PRKG1: variants seen among roughly 807,000 people sequenced by gnomAD.
The protein encoded by PRKG1 is cGMP-dependent protein kinase 1.
PRKG1 carries 35 observed loss-of-function variants against 88.1 expected under a neutral mutation model. The observed-to-expected ratio is 0.40, with a 90% CI of 0.30 to 0.53. The LOEUF (loss-of-function observed/expected upper bound fraction) is 0.53, where lower values mean the gene tolerates loss of function less well. Among genes scored for constraint, PRKG1 ranks in the 20% least tolerant of loss-of-function variants. The pLI is 0.59. For synonymous variants in PRKG1, 303 were observed against 292.5 expected (o/e 1.04, Z -0.37); for missense variants, 540 against 839.8 (o/e 0.64, Z 4.41).
At chr10:51,285,148 T>C (rs1465795239) in intron 2 of PRKG1, among the ~76,000 whole-genome samples, 2 of 148,814 alleles carry the variant, frequency 1.3e-5, no homozygotes, top group African/African-American at 4.9e-5. Flanking sequence ...ATGCGGTGTT[T>C]GGTTTTTTGT....
At chr10:51,473,448 T>C (rs1182167761) in intron 3 of PRKG1, among the ~76,000 whole-genome samples, 1 of 151,892 alleles carries the variant, frequency 6.6e-6, no homozygotes, top group African/African-American at 2.4e-5. Flanking sequence ...GTATTTATAA[T>C]TTATATATAA....
intron 3 of PRKG1, among the ~76,000 whole-genome samples, chr10:51,791,851 A>C (rs758925161): frequency 3.5e-4 from 53 of 152,080 alleles, no homozygotes; most frequent in Non-Finnish European, 4.6e-4. Context: ...AAATAACTGG[A>C]GTAAAGACCT....
At chr10:51,645,085 G>C (rs868785895) in intron 3 of PRKG1, among the ~76,000 whole-genome samples, 2 of 152,198 alleles carry the variant, frequency 1.3e-5, no homozygotes, top group African/African-American at 4.8e-5. Flanking sequence ...GTCTCCAAAA[G>C]TGCTGGGATT....
At chr10:51,482,533 G>T (rs1186292349) in intron 3 of PRKG1, among the ~76,000 whole-genome samples, 1 of 152,082 alleles carries the variant, frequency 6.6e-6, no homozygotes, top group Non-Finnish European at 1.5e-5. Context: ...TTCCCTTGAA[G>T]GGTAACAATG....
At chr10:52,261,348 C>T (rs1841427741) in intron 10 of PRKG1, among the ~76,000 whole-genome samples, 1 of 151,784 alleles carries the variant, frequency 6.6e-6, no homozygotes, top group Admixed American at 6.6e-5. Context: ...GAAGAGAGAC[C>T]CTCTCTTGAT....
chr10:51,631,287 A>G (rs1321604875), intron 3 of PRKG1, among the ~76,000 whole-genome samples: 1 of 152,200 alleles, frequency 6.6e-6, no homozygotes, highest in Non-Finnish European at 1.5e-5. Context: ...TGGGCTTACC[A>G]AAACTCTGAC....
intron 5 of PRKG1, among the ~76,000 whole-genome samples, chr10:52,053,973 G>A (rs1268793231): frequency 6.6e-6 from 1 of 152,034 alleles, no homozygotes; most frequent in African/African-American, 2.4e-5. Context: ...GGAGAAAAAG[G>A]CTCTAATTAT....
At position 52,295,591 on chromosome 10, in the gene PRKG1, A is replaced by C. The variant is rs1025168557; in HGVS notation, c.*1691A>C. ...AAAATATAGAAGCTTTCAAGCTGTC[A>C]TTCTGTTTTGGCCCTGTGTGAATTT... On this transcript the variant is annotated 3_prime_UTR_variant, in exon 18 of 18. Coordinates refer to ENST00000373980, the MANE Select transcript of PRKG1 (RefSeq NM_006258.4). 2 of 151,932 alleles carry C rather than the reference A, an allele frequency of 1.3e-5. No homozygotes were observed. Among genetic ancestry groups the C allele is most frequent in the African/African-American group, 2.4e-5 (1 of 41,428 alleles). 9.4% of individuals were successfully genotyped at this position (151,932 alleles called of 1,614,324 possible).
intron 2 of PRKG1, among the ~76,000 whole-genome samples, chr10:51,359,136 A>C (rs1200565675): frequency 6.6e-6 from 1 of 151,928 alleles, no homozygotes; most frequent in Non-Finnish European, 1.5e-5. Flanking sequence ...AAATGACTAA[A>C]GGGTTCATCT....
intron 3 of PRKG1, chr10:51,699,573 A>C (rs1841407940): frequency 5.7e-6 from 9 of 1,587,618 alleles, no homozygotes; most frequent in African/African-American, 1.4e-5. Flanking sequence ...CAGACAGCCG[A>C]TAGCGGATTC....
At chr10:51,818,821 A>C (rs1401763090) in intron 4 of PRKG1, among the ~76,000 whole-genome samples, 5 of 104,816 alleles carry the variant, frequency 4.8e-5, no homozygotes, top group Admixed American at 1.6e-4. Context: ...TCCTGGCTAA[A>C]ACAGTGAAAC....
intron 7 of PRKG1, among the ~76,000 whole-genome samples, chr10:52,084,120 C>T (rs1415884325): frequency 6.6e-6 from 1 of 151,792 alleles, no homozygotes; most frequent in Non-Finnish European, 1.5e-5. Context: ...ATAAGATAGC[C>T]CAACTTTACA....
intron 9 of PRKG1, among the ~76,000 whole-genome samples, chr10:52,215,579 A>G (rs2132812804): frequency 6.6e-6 from 1 of 152,262 alleles, no homozygotes; most frequent in African/African-American, 2.4e-5. Flanking sequence ...CCATGGGAAG[A>G]TGTCTGAATA....
At chr10:52,093,306 G>A (rs1847099032) in intron 7 of PRKG1, among the ~76,000 whole-genome samples, 1 of 152,132 alleles carries the variant, frequency 6.6e-6, no homozygotes, top group Non-Finnish European at 1.5e-5. Flanking sequence ...AAAAGAAGTG[G>A]TCAAATAACT....
At chr10:52,145,567 G>A (rs1837708553) in intron 8 of PRKG1, among the ~76,000 whole-genome samples, 1 of 152,152 alleles carries the variant, frequency 6.6e-6, no homozygotes, top group South Asian at 2.1e-4. Context: ...CCAGGGAGGT[G>A]GAGGGCACCA....
At chr10:51,745,159 T>C (rs1479267242) in intron 3 of PRKG1, among the ~76,000 whole-genome samples, 1 of 152,244 alleles carries the variant, frequency 6.6e-6, no homozygotes, top group East Asian at 1.9e-4. Context: ...ATCTTTATCC[T>C]ACCATCACCT....
At chr10:52,287,537 A>G (rs1842145247) in intron 14 of PRKG1, among the ~76,000 whole-genome samples, 1 of 152,024 alleles carries the variant, frequency 6.6e-6, no homozygotes, top group South Asian at 2.1e-4. Flanking sequence ...AGACACACAA[A>G]ACCTGTATTA....
intron 1 of PRKG1, among the ~76,000 whole-genome samples, chr10:51,047,532 G>A (rs1843505382): frequency 6.7e-6 from 1 of 149,608 alleles, no homozygotes; most frequent in South Asian, 2.1e-4. Flanking sequence ...CAGATTTATT[G>A]TGTATGTTTT....
intron 9 of PRKG1, among the ~76,000 whole-genome samples, chr10:52,219,668 A>C (rs2132821253): frequency 6.6e-6 from 1 of 152,366 alleles, no homozygotes; most frequent in Admixed American, 6.5e-5. Flanking sequence ...ACTAACAATT[A>C]GCTGACAATC....
Sources: gnomAD v4.1 joint callset for allele counts (sites outside exome capture counted in the v4.1 genomes callset) on GRCh38, gnomAD v4.1.1 for gene constraint, MANE v1.5 for transcripts, NCBI Gene and HGNC (gene_info 2026-07-23, HGNC 2026-07-21) for gene names.